Variants in CAPZB observed in about 807,000 individuals in gnomAD.
CAPZB encodes F-actin-capping protein subunit beta.
In CAPZB, 2 loss-of-function variants were observed where a neutral mutation model predicts 38.1. The observed-to-expected ratio is 0.05, with a 90% confidence interval of 0.02 to 0.17. The LOEUF is 0.17. Ranked by LOEUF, CAPZB falls within the 10% of genes least tolerant of loss-of-function variation. The pLI, the probability that CAPZB is intolerant of heterozygous loss-of-function variation, is 1.00. For missense variants in CAPZB, 161 were observed against 334.2 expected, an observed-to-expected ratio of 0.48 and a Z score of 4.04; for synonymous variants, 107 against 127.4, an observed-to-expected ratio of 0.84 and a Z score of 1.08.
chr1:19,368,674 T>C (rs1273371661), intron 4 of CAPZB, among the ~76,000 whole-genome samples: 2 of 150,226 alleles, frequency 1.3e-5, no homozygotes, highest in Non-Finnish European at 3.0e-5. Flanking sequence ...TTTTTTTTTT[T>C]TTTTTTAATT....
At chr1:19,406,421 G>A (rs72653903) in intron 2 of CAPZB, among the ~76,000 whole-genome samples, 3,442 of 152,226 alleles carry the variant, frequency 0.023, 64 homozygotes, top group Non-Finnish European at 0.035. Context: ...AGAACAGAAC[G>A]CCCTTTCAAC....
At chr1:19,457,867 A>G (rs2094537820) in intron 1 of CAPZB, among the ~76,000 whole-genome samples, 1 of 152,098 alleles carries the variant, frequency 6.6e-6, no homozygotes. Flanking sequence ...AAAAAGAAAA[A>G]CAACAACAAC....
chr1:19,446,383 G>A (rs77754094), intron 1 of CAPZB, among the ~76,000 whole-genome samples: 3,218 of 152,294 alleles, frequency 0.021, 218 homozygotes, highest in East Asian at 0.13. Context: ...ATGACAGTGA[G>A]CCATGTAAGA....
intron 1 of CAPZB, among the ~76,000 whole-genome samples, chr1:19,483,447 A>C (rs1303612196): frequency 8.5e-5 from 13 of 152,228 alleles, no homozygotes. Flanking sequence ...CAGCCCCAGA[A>C]GGGCTTCCTG....
chr1:19,461,062 G>A (rs758229018), intron 1 of CAPZB, among the ~76,000 whole-genome samples: 1 of 125,968 alleles, frequency 7.9e-6, no homozygotes, highest in Non-Finnish European at 1.6e-5. Flanking sequence ...CAAGTAGGCA[G>A]AGCAGCTGTC....
chr1:19,343,320 G>T (rs1179018887), intron 8 of CAPZB, among the ~76,000 whole-genome samples: 1 of 152,332 alleles, frequency 6.6e-6, no homozygotes, highest in Non-Finnish European at 1.5e-5. Context: ...TGTAAAGCAG[G>T]TGACTGAAAT....
intron 2 of CAPZB, among the ~76,000 whole-genome samples, chr1:19,412,916 C>T (rs974716704): frequency 3.3e-5 from 5 of 152,208 alleles, no homozygotes; most frequent in Admixed American, 6.5e-5. Flanking sequence ...CAAAGCTGAC[C>T]ACAGCCAGGT....
rs1230542580 is a variant in CAPZB at position 19,413,300 on chromosome 1, C to T, written c.93+6361G>A. ...AATAAATGTCGACTGAATCCATTAC[C>T]TTTTCACTTACTTCAGCTGAGACCC... On this transcript the variant is annotated intron_variant, in intron 2 of 8. Transcript: ENST00000264202. Among the ~76,000 whole-genome samples, 3 of 152,318 alleles carry T rather than the reference C, an allele frequency of 2.0e-5. No individual in the cohort carries two copies. In the East Asian group the frequency reaches 5.8e-4, roughly 29 times the overall value.
chr1:19,353,156 C>A (rs1189139187), intron 6 of CAPZB, among the ~76,000 whole-genome samples: 1 of 152,234 alleles, frequency 6.6e-6, no homozygotes, highest in East Asian at 1.9e-4. Context: ...AAGCTGAGGA[C>A]CCATGGGGCC....
chr1:19,363,690 G>A (rs762435504), intron 4 of CAPZB, among the ~76,000 whole-genome samples: 3 of 152,180 alleles, frequency 2.0e-5, no homozygotes, highest in Non-Finnish European at 4.4e-5. Context: ...AACGTGCTCG[G>A]GGAATCTGAG....
At chr1:19,405,994 T>A (rs1037877494) in intron 2 of CAPZB, among the ~76,000 whole-genome samples, 4 of 152,184 alleles carry the variant, frequency 2.6e-5, no homozygotes, top group African/African-American at 9.7e-5. Context: ...GGTGGGGGCA[T>A]GGGGCTGGCC....
At chr1:19,475,393 A>G (rs2050828) in intron 1 of CAPZB, among the ~76,000 whole-genome samples, 64 of 152,200 alleles carry the variant, frequency 4.2e-4, no homozygotes, top group African/African-American at 1.5e-3. Context: ...GAAAGCCACC[A>G]GTGTGACTTC....
intron 2 of CAPZB, among the ~76,000 whole-genome samples, chr1:19,416,860 CAAAAAAAAAAAAAAAAA>C (rs59789230): frequency 2.9e-5 from 2 of 69,452 alleles, no homozygotes; most frequent in African/African-American, 6.0e-5. Flanking sequence ...GACCCTGTCT[CAAAAAAAAAAAAAAAAA>C]AAAAAAAAAA....
intron 1 of CAPZB, among the ~76,000 whole-genome samples, chr1:19,466,902 T>C (rs556411897): frequency 1.5e-4 from 22 of 151,140 alleles, no homozygotes; most frequent in South Asian, 4.2e-4. Flanking sequence ...CAGGCCAAAG[T>C]TTTTTGTTTT....
chr1:19,448,992 G>T, intron 1 of CAPZB: 1 of 1,590,088 alleles, frequency 6.3e-7, no homozygotes, highest in Non-Finnish European at 8.6e-7. Flanking sequence ...GAAACATGAC[G>T]TGACTAGGGA....
Position 19,385,562 on chromosome 1 carries a change from T to C in CAPZB, c.158A>G (p.Lys53Arg), listed in dbSNP as rs1178705380. Residue 53 changes from lysine to arginine, a missense_variant, in exon 3 of 9, where the codon AAG (lysine) becomes AGG (arginine). Physicochemically the swap from Lys to Arg is conservative, Grantham distance 26. Transcript: ENST00000264202. Reference protein sequence around the residue: ...VDQPLKIARDKVVGKDYLLCD... With the variant: ...VDQPLKIARDRVVGKDYLLCD... ...CAAAAGGTAATCCTTTCCCACCACC[T>C]TGTCTCTGGCAATTTTCAGTGGCTG... 1.9e-6 allele frequency: 3 copies of C among 1,614,096 alleles called. No homozygotes were observed. The highest frequency in any genetic ancestry group is 2.2e-5 in the South Asian group (2 of 91,080).
At chr1:19,440,076 T>C (rs1172235148) in intron 1 of CAPZB, among the ~76,000 whole-genome samples, 1 of 152,210 alleles carries the variant, frequency 6.6e-6, no homozygotes, top group Non-Finnish European at 1.5e-5. Flanking sequence ...GCAAATCTAA[T>C]AACCTGCTTA....
At chr1:19,392,578 G>C (rs2094242662) in intron 2 of CAPZB, among the ~76,000 whole-genome samples, 1 of 146,880 alleles carries the variant, frequency 6.8e-6, no homozygotes, top group African/African-American at 2.5e-5. Flanking sequence ...TTGAGATCAA[G>C]AGTTCGAGAC....
At chr1:19,423,632 CT>C (rs991168531) in intron 1 of CAPZB, among the ~76,000 whole-genome samples, 15 of 150,390 alleles carry the variant, frequency 1.0e-4, no homozygotes, top group African/African-American at 2.7e-4. Flanking sequence ...TCAAGCTATC[CT>C]CCCATCTCAG....
Sources: allele counts gnomAD v4.1 joint callset (sites outside exome capture counted in the v4.1 genomes callset), GRCh38; gene constraint gnomAD v4.1.1; transcripts MANE v1.5; gene names NCBI Gene and HGNC (gene_info 2026-07-23, HGNC 2026-07-21).